The following CADPS variants were observed in gnomAD, a reference collection of about 807,000 sequenced individuals.
CADPS encodes the protein calcium dependent secretion activator, also known as calcium-dependent secretion activator 1.
CADPS carries 57 observed loss-of-function variants against 167.3 expected under a neutral mutation model. That is an observed-to-expected ratio of 0.34 (90% CI 0.28 to 0.42). CADPS has a LOEUF of 0.42. Ranked by LOEUF, CADPS falls within the 20% of genes least tolerant of loss-of-function variation. CADPS has a pLI of 1.00. For missense variants in CADPS, 1,414 were observed against 1,738.1 expected (o/e 0.81, Z 3.32); for synonymous variants, 676 against 635.3 (o/e 1.06, Z -0.96).
intron 1 of CADPS, among the ~76,000 whole-genome samples, chr3:62,784,507 A>G (rs973574257): frequency 1.3e-5 from 2 of 152,186 alleles, no homozygotes; most frequent in Non-Finnish European, 2.9e-5. Flanking sequence ...TCACTGATGG[A>G]TATTAACAGT....
chr3:62,592,613 C>A (rs941008514), intron 7 of CADPS, 24 bp downstream of exon 7: 25 of 1,564,654 alleles, frequency 1.6e-5, no homozygotes, highest in Non-Finnish European at 2.1e-5. Context: ...CTGTGGAGTT[C>A]CCCTTGTGAT....
At position 62,804,290 on chromosome 3, in the gene CADPS, G is replaced by T. The variant is rs191845046; in HGVS notation, c.442-38306C>A. Among the ~76,000 whole-genome samples, 194 of 152,208 alleles carry T rather than the reference G, an allele frequency of 1.3e-3. 5 individuals carry two copies. The South Asian group carries it at 0.031, about 25-fold the overall frequency. ...GGAAAACCACTCCCCCTTTGAGGCT[G>T]GAGGAGATGAAACACATAGTGAGGA... On this transcript the variant is annotated intron_variant, in intron 1 of 29. Coordinates refer to ENST00000383710, the MANE Select transcript of CADPS (RefSeq NM_003716.4).
intron 2 of CADPS, among the ~76,000 whole-genome samples, chr3:62,761,235 T>TATGATG (rs1015073421): frequency 1.3e-5 from 2 of 152,012 alleles, no homozygotes; most frequent in African/African-American, 4.8e-5. Flanking sequence ...CTGCTGTTGT[T>TATGATG]ATGATGATGA....
In CADPS at chr3:62,649,505, C is replaced by T. The variant is rs28706530; in HGVS notation, c.1203+1342G>A. On this transcript the variant is annotated intron_variant, in intron 5 of 29. Coordinates refer to ENST00000383710, the MANE Select transcript of CADPS (RefSeq NM_003716.4). ...TTCCTATTTCTGTAGATTTGCCTTTCGGACCTTTTATATCAAGGGAATCAT... is the reference window on the plus strand; with the variant it reads ...TTCCTATTTCTGTAGATTTGCCTTTTGGACCTTTTATATCAAGGGAATCAT... 7.7e-3 allele frequency among the ~76,000 whole-genome samples: 1,037 copies of T among 134,416 alleles called. 16 individuals carry two copies. The highest frequency in any genetic ancestry group is 0.024 in the African/African-American group (853 of 35,640). 88.2% of individuals were successfully genotyped at this position (134,416 alleles called of 152,430 possible). A position where few individuals can be genotyped will look rare whatever the true frequency, so the allele number is the denominator to read the frequency against.
At chr3:62,559,286 A>T (rs1426838754) in intron 9 of CADPS, among the ~76,000 whole-genome samples, 1 of 152,194 alleles carries the variant, frequency 6.6e-6, no homozygotes, top group African/African-American at 2.4e-5. Context: ...AATCTGCCAT[A>T]TAATGGGCAT....
At chr3:62,642,728 G>C (rs2067678383) in intron 6 of CADPS, among the ~76,000 whole-genome samples, 1 of 152,098 alleles carries the variant, frequency 6.6e-6, no homozygotes, top group Admixed American at 6.6e-5. Flanking sequence ...CAGCAACATG[G>C]TGAAACCCCA....
At chr3:62,733,869 A>G (rs748667204) in intron 3 of CADPS, among the ~76,000 whole-genome samples, 10 of 152,198 alleles carry the variant, frequency 6.6e-5, no homozygotes, top group Non-Finnish European at 1.5e-4. Context: ...AGAGTCCCCA[A>G]AGCTCATTAT....
intron 3 of CADPS, among the ~76,000 whole-genome samples, chr3:62,685,786 C>G (rs1481050503): frequency 3.3e-5 from 5 of 152,022 alleles, no homozygotes; most frequent in Non-Finnish European, 1.5e-5. Flanking sequence ...AACCTAGATC[C>G]CTCGCATGTG....
chr3:62,734,547 A>C (rs1166390878), intron 3 of CADPS, among the ~76,000 whole-genome samples: 1 of 152,180 alleles, frequency 6.6e-6, no homozygotes, highest in Non-Finnish European at 1.5e-5. Flanking sequence ...TATATAAATG[A>C]AATAATAGAA....
intron 26 of CADPS, among the ~76,000 whole-genome samples, chr3:62,454,237 G>A (rs1232466411): frequency 6.6e-6 from 1 of 152,136 alleles, no homozygotes; most frequent in East Asian, 1.9e-4. Flanking sequence ...GTGACCTTGG[G>A]AAAAGCAATG....
intron 17 of CADPS, among the ~76,000 whole-genome samples, chr3:62,501,441 C>T (rs953405101): frequency 6.6e-6 from 1 of 151,926 alleles, no homozygotes; most frequent in Non-Finnish European, 1.5e-5. Flanking sequence ...ATTTTTTGTT[C>T]GTTGATATTC....
rs1167214073 is a variant in CADPS, at chr3:62,601,286, T to G, written c.1326-8538A>C. On this transcript the variant is annotated intron_variant, in intron 6 of 29. Coordinates refer to ENST00000383710, the MANE Select transcript of CADPS (RefSeq NM_003716.4). This position sits in a 1 kb window ranked among gnomAD's most constrained non-coding sequence, Gnocchi z 4.3. ...ATTAGAACATAGTTAGCTTACTCAT[T>G]TTTGTTTTGTCTATGGCTTCTTTTG... Among the ~76,000 whole-genome samples the G allele has an allele frequency of 6.6e-6, 1 of 152,218 alleles. No homozygotes were observed. Among genetic ancestry groups the G allele is most frequent in the East Asian group, 1.9e-4 (1 of 5,202 alleles).
At chr3:62,516,309 A>T (rs1281496799) in intron 15 of CADPS, 127 bp from the exon 16 acceptor site, 2 of 1,254,214 alleles carry the variant, frequency 1.6e-6, no homozygotes, top group East Asian at 4.8e-5. Context: ...AGCCATGCTT[A>T]AAGAGAAAGC....
chr3:62,798,545 G>A (rs1020033222), intron 1 of CADPS, among the ~76,000 whole-genome samples: 1 of 152,070 alleles, frequency 6.6e-6, no homozygotes, highest in African/African-American at 2.4e-5. Context: ...CCTTGTGATT[G>A]TGTGAGTCAA....
Position 62,478,425 on chromosome 3 carries a change from A to G in CADPS, c.3174-9T>C, listed in dbSNP as rs1576577404. ...AGGTGCCTGACCCATTACTGGCAGG[A>G]CAAAAATTAGAAAATGAGAGTCACC... On this transcript the variant is annotated splice_polypyrimidine_tract_variant and intron_variant, in intron 22 of 29. Coordinates refer to ENST00000383710, the MANE Select transcript of CADPS (RefSeq NM_003716.4). The surrounding 1 kb of genome is among the most constrained non-coding windows in gnomAD (Gnocchi z 5.7). 2.5e-6 allele frequency: 4 copies of G among 1,612,022 alleles called. No homozygotes were observed. The highest frequency in any genetic ancestry group is 3.4e-6 in the Non-Finnish European group (4 of 1,178,884).
chr3:62,599,438 C>T (rs2059370878), intron 6 of CADPS, among the ~76,000 whole-genome samples: 1 of 134,178 alleles, frequency 7.5e-6, no homozygotes, highest in Non-Finnish European at 1.5e-5. Context: ...GAGTTTCTGA[C>T]CTCAAAGCCC....
chr3:62,491,560 C>CACAA, intron 20 of CADPS, 80 bp from the exon 21 acceptor site: 3 of 604,348 alleles, frequency 5.0e-6, no homozygotes, highest in Non-Finnish European at 8.0e-6. Context: ...CACACACAAA[C>CACAA]ACACACACAC....
intron 1 of CADPS, among the ~76,000 whole-genome samples, chr3:62,788,297 T>C (rs1404866845): frequency 2.0e-5 from 3 of 152,184 alleles, no homozygotes; most frequent in Non-Finnish European, 4.4e-5. Context: ...TAACCATACG[T>C]ATTGTTACTT....
chr3:62,645,629 C>T, intron 6 of CADPS, 93 bp downstream of exon 6: 3 of 1,380,304 alleles, frequency 2.2e-6, no homozygotes, highest in Middle Eastern at 3.7e-4. Context: ...CTCGTATCTT[C>T]TGGGGAAACC....
Sources: gnomAD v4.1 joint callset for allele counts (sites outside exome capture counted in the v4.1 genomes callset) on GRCh38, gnomAD v4.1.1 for gene constraint, Gnocchi (gnomAD v3.1) non-coding constraint, MANE v1.5 for transcripts, NCBI Gene and HGNC (gene_info 2026-07-23, HGNC 2026-07-21) for gene names.